The following CNOT2 variants were observed in gnomAD, a reference collection of about 807,000 sequenced individuals.
The protein encoded by CNOT2 is CCR4-NOT transcription complex subunit 2, also known as CC chemokine receptor 4-negative regulator of transcription 2.
CNOT2 carries 7 observed loss-of-function variants against 72.1 expected under a neutral mutation model. The ratio of observed to expected loss-of-function variants is 0.10; its 90% CI spans 0.06 to 0.18. CNOT2 has a LOEUF of 0.18. Ranked by LOEUF, CNOT2 falls within the 10% of genes least tolerant of loss-of-function variation. The probability of loss-of-function intolerance (pLI) is 1.00; values close to 1 mark genes in which losing one functional copy is unlikely to be tolerated. For synonymous variants in CNOT2, 196 were observed against 225.6 expected, an observed-to-expected ratio of 0.87 and a Z score of 1.17; for missense variants, 345 against 660.3, an observed-to-expected ratio of 0.52 and a Z score of 5.23.
intron 14 of CNOT2, 138 bp downstream of exon 14, chr12:70,344,366 A>G (rs1428024358): frequency 1.7e-6 from 1 of 593,048 alleles, no homozygotes; most frequent in Non-Finnish European, 3.0e-6. Context: ...ATTAAAGTGA[A>G]TTTAATTTAG....
intron 15 of CNOT2, among the ~76,000 whole-genome samples, chr12:70,350,955 T>C (rs1882786986): frequency 1.3e-5 from 2 of 152,194 alleles, no homozygotes; most frequent in Non-Finnish European, 2.9e-5. Flanking sequence ...TATTTGACTA[T>C]ATGAATCCAT....
At chr12:70,247,033 T>G (rs1478552415) in intron 1 of CNOT2, among the ~76,000 whole-genome samples, 1 of 152,136 alleles carries the variant, frequency 6.6e-6, no homozygotes, top group African/African-American at 2.4e-5. Flanking sequence ...TAGGAAAAAA[T>G]GGGAAATTTT....
At chr12:70,279,109 C>T (rs1869378325) in intron 2 of CNOT2, among the ~76,000 whole-genome samples, 1 of 152,182 alleles carries the variant, frequency 6.6e-6, no homozygotes. Flanking sequence ...CCCCACCTCC[C>T]ACACTTCCTT....
intron 3 of CNOT2, among the ~76,000 whole-genome samples, chr12:70,317,649 A>G (rs1361474707): frequency 8.0e-6 from 1 of 125,596 alleles, no homozygotes; most frequent in Admixed American, 8.7e-5. Context: ...AAAAATCACT[A>G]CTGTCGTATT....
intron 4 of CNOT2, chr12:70,321,600 A>C (rs1334500567): frequency 1.3e-5 from 2 of 151,896 alleles, no homozygotes; most frequent in Non-Finnish European, 2.9e-5. Context: ...GTGTAACTAA[A>C]AGTTCGTTTC....
intron 1 of CNOT2, among the ~76,000 whole-genome samples, chr12:70,274,629 G>A (rs1868449158): frequency 6.6e-6 from 1 of 151,950 alleles, no homozygotes; most frequent in African/African-American, 2.4e-5. Flanking sequence ...TTTTTAAAAA[G>A]TTTAAAAGAA....
chr12:70,314,238 T>A (rs1485851830), intron 3 of CNOT2, among the ~76,000 whole-genome samples: 1 of 152,172 alleles, frequency 6.6e-6, no homozygotes, highest in Non-Finnish European at 1.5e-5. Flanking sequence ...TATTAGTTTT[T>A]GGTGATTGAG....
At chr12:70,261,733 G>A (rs937759748) in intron 1 of CNOT2, among the ~76,000 whole-genome samples, 1 of 152,024 alleles carries the variant, frequency 6.6e-6, no homozygotes, top group Admixed American at 6.5e-5. Context: ...AAATGTTCCA[G>A]GTTCCAAAAC....
intron 1 of CNOT2, among the ~76,000 whole-genome samples, chr12:70,266,403 G>A (rs567674569): frequency 3.3e-5 from 5 of 152,284 alleles, no homozygotes; most frequent in East Asian, 1.9e-4. Context: ...GATTACAGGC[G>A]TGAGCCACAG....
In CNOT2 at chr12:70,288,652, C is replaced by A. The variant is rs115423838; in HGVS notation, c.48+10378C>A. 5.4e-3 allele frequency among the ~76,000 whole-genome samples: 825 copies of A among 152,172 alleles called. 7 individuals carry two copies. The highest frequency in any genetic ancestry group is 0.018 in the African/African-American group (760 of 41,522). ...GTGTTTATTTTGTTCATTGCTGTAT[C>A]CTCACCTGAGAATAATGTCTGGCAT... is the stretch of plus-strand genomic sequence containing the variant. On this transcript the variant is annotated intron_variant, in intron 2 of 15. Coordinates refer to ENST00000229195, the MANE Select transcript of CNOT2 (RefSeq NM_014515.7).
rs986465577 is a variant in CNOT2, at chr12:70,283,870, C to T, written c.48+5596C>T. Among the ~76,000 whole-genome samples, 3 of 150,868 alleles carry T rather than the reference C, an allele frequency of 2.0e-5. No homozygotes were observed. In the South Asian group the frequency reaches 6.2e-4, roughly 31 times the overall value. On this transcript the variant is annotated intron_variant, in intron 2 of 15. Coordinates refer to ENST00000229195, the MANE Select transcript of CNOT2 (RefSeq NM_014515.7). ...ATAATTACATTTTTGATTGTGAAAG[C>T]TCTGTTCATGTCATGATCACATGAT...
intron 1 of CNOT2, among the ~76,000 whole-genome samples, chr12:70,275,525 T>G (rs1428491052): frequency 6.6e-6 from 1 of 152,066 alleles, no homozygotes; most frequent in Non-Finnish European, 1.5e-5. Flanking sequence ...GAGAAGATTG[T>G]TGTGTGATGT....
At chr12:70,329,698 A>C in intron 5 of CNOT2, 128 bp downstream of exon 5, 2 of 677,298 alleles carry the variant, frequency 3.0e-6, no homozygotes, top group South Asian at 3.5e-5. Flanking sequence ...GGAAGAAAAT[A>C]CCTATGCTCT....
rs138951885 is a variant in CNOT2 at position 70,296,107 on chromosome 12, A to G, written c.49-14788A>G. 1.8e-3 allele frequency among the ~76,000 whole-genome samples: 279 copies of G among 152,142 alleles called. 1 individual carries two copies. Among genetic ancestry groups the G allele is most frequent in the African/African-American group, 6.5e-3 (270 of 41,526 alleles). On this transcript the variant is annotated intron_variant, in intron 2 of 15. Transcript: ENST00000229195. Reference sequence around the variant, plus strand: ...CCAGATTTTAGTTTTTGGATTAGGAAAGAGTGATGTGTTTTTCCACCCTCC... The same window carrying G: ...CCAGATTTTAGTTTTTGGATTAGGAGAGAGTGATGTGTTTTTCCACCCTCC...
intron 4 of CNOT2, among the ~76,000 whole-genome samples, chr12:70,326,392 A>G (rs1024853130): frequency 2.0e-5 from 3 of 147,092 alleles, no homozygotes; most frequent in African/African-American, 7.4e-5. Flanking sequence ...ATACATATTT[A>G]TATTTTTGCC....
chr12:70,327,404 A>T (rs1470298324), intron 4 of CNOT2: 1 of 151,956 alleles, frequency 6.6e-6, no homozygotes, highest in African/African-American at 2.4e-5. Context: ...AGAGGTGCTA[A>T]TCGAGAGTTC....
At chr12:70,300,701 G>A (rs1048482643) in intron 2 of CNOT2, among the ~76,000 whole-genome samples, 2 of 152,148 alleles carry the variant, frequency 1.3e-5, no homozygotes, top group African/African-American at 4.8e-5. Context: ...TTGGCAATGA[G>A]GGCCCTTTTT....
chr12:70,339,066 A>ATGTG (rs1358955412), intron 11 of CNOT2, among the ~76,000 whole-genome samples: 30 of 134,756 alleles, frequency 2.2e-4, no homozygotes, highest in African/African-American at 8.0e-4. Context: ...GCATGTATAT[A>ATGTG]TGTGTGTGTG....
In CNOT2 at chr12:70,261,880, C is replaced by A. The variant is rs573785628; in HGVS notation, c.-95-16252C>A. Among the ~76,000 whole-genome samples the A allele has an allele frequency of 1.5e-3, 219 of 150,450 alleles. 1 individual carries two copies. The highest frequency in any genetic ancestry group is 5.1e-3 in the African/African-American group (209 of 41,062). ...GAAGTTTTAAAATTACTAATGCAAT[C>A]TCTTCACTTGTTACAGGTTTATTCA... is the stretch of plus-strand genomic sequence containing the variant. On this transcript the variant is annotated intron_variant, in intron 1 of 15. Coordinates refer to ENST00000229195, the MANE Select transcript of CNOT2 (RefSeq NM_014515.7).
Sources: allele counts gnomAD v4.1 joint callset (sites outside exome capture counted in the v4.1 genomes callset), GRCh38; gene constraint gnomAD v4.1.1; transcripts MANE v1.5; gene names NCBI Gene and HGNC (gene_info 2026-07-23, HGNC 2026-07-21).